LHFPL6: variants seen among roughly 807,000 people sequenced by gnomAD.
LHFPL6 encodes LHFPL tetraspan subfamily member 6.
In LHFPL6, 9 loss-of-function variants were observed where a neutral mutation model predicts 20.6. The ratio of observed to expected loss-of-function variants is 0.44; its 90% CI spans 0.26 to 0.76. The LOEUF is 0.76. Ranked by LOEUF, LHFPL6 falls within the 30% of genes least tolerant of loss-of-function variation. The probability of loss-of-function intolerance (pLI) is 0.20; values close to 1 mark genes in which losing one functional copy is unlikely to be tolerated. For synonymous variants in LHFPL6, 105 were observed against 98.7 expected (o/e 1.06, Z -0.38); for missense variants, 218 against 253.5 (o/e 0.86, Z 0.95).
chr13:39,439,185 C>A (rs1034538918), intron 2 of LHFPL6, among the ~76,000 whole-genome samples: 60 of 152,340 alleles, frequency 3.9e-4, no homozygotes, highest in African/African-American at 1.4e-3. Flanking sequence ...CCACCCATTG[C>A]ACCAGTGTGC....
chr13:39,434,830 G>C (rs1871911180), intron 2 of LHFPL6, among the ~76,000 whole-genome samples: 1 of 152,076 alleles, frequency 6.6e-6, no homozygotes, highest in African/African-American at 2.4e-5. Flanking sequence ...GCCGAGGCGG[G>C]TGGATCATGA....
At chr13:39,583,387 C>T (rs1872350289) in intron 2 of LHFPL6, among the ~76,000 whole-genome samples, 1 of 151,958 alleles carries the variant, frequency 6.6e-6, no homozygotes, top group Non-Finnish European at 1.5e-5. Context: ...GTTGCCCAGG[C>T]TGGTCTTGAA....
chr13:39,454,270 A>G (rs916001363), intron 2 of LHFPL6, among the ~76,000 whole-genome samples: 2 of 152,264 alleles, frequency 1.3e-5, no homozygotes, highest in African/African-American at 4.8e-5. Context: ...TTAAAATACA[A>G]TCCAACACCA....
At chr13:39,372,612 C>G (rs372506327) in intron 3 of LHFPL6, among the ~76,000 whole-genome samples, 2 of 152,246 alleles carry the variant, frequency 1.3e-5, no homozygotes, top group African/African-American at 4.8e-5. Context: ...TGCTTCAGAG[C>G]GCTGCACTTA....
At chr13:39,370,260 C>T (rs1870131544) in intron 3 of LHFPL6, among the ~76,000 whole-genome samples, 1 of 152,136 alleles carries the variant, frequency 6.6e-6, no homozygotes, top group African/African-American at 2.4e-5. Flanking sequence ...TGAGTGCCCC[C>T]ATGGGTTCCT....
At position 39,508,026 on chromosome 13, in the gene LHFPL6, C is replaced by T. The variant is rs1369112242; in HGVS notation, c.385+92806G>A. 3.8e-5 allele frequency among the ~76,000 whole-genome samples: 5 copies of T among 132,782 alleles called. No individual in the cohort carries two copies. In the Admixed American group the frequency reaches 3.8e-4, roughly 10 times the overall value. The allele number at this position is 132,782 out of a possible 152,430, so 87.1% of individuals were successfully genotyped here. ...AATAGTGTTATTAAGTTGTAATTTACTTTTTTTTTTTTGAGGCAGAGTCAC... is the reference window on the plus strand; with the variant it reads ...AATAGTGTTATTAAGTTGTAATTTATTTTTTTTTTTTTGAGGCAGAGTCAC... On this transcript the variant is annotated intron_variant, in intron 2 of 3. Coordinates refer to ENST00000379589, the MANE Select transcript of LHFPL6 (RefSeq NM_005780.3).
chr13:39,469,872 T>TA (rs930491432), intron 2 of LHFPL6, among the ~76,000 whole-genome samples: 2 of 152,212 alleles, frequency 1.3e-5, no homozygotes, highest in African/African-American at 4.8e-5. Flanking sequence ...CAACCAGTTG[T>TA]AGTCCCAGAG....
chr13:39,378,042 A>G (rs1216550615), intron 3 of LHFPL6, among the ~76,000 whole-genome samples: 1 of 152,164 alleles, frequency 6.6e-6, no homozygotes, highest in Non-Finnish European at 1.5e-5. Flanking sequence ...ATTGCTTTGA[A>G]TTGCTTAGCT....
intron 2 of LHFPL6, among the ~76,000 whole-genome samples, chr13:39,450,339 G>C (rs749680247): frequency 4.6e-5 from 7 of 152,182 alleles, no homozygotes; most frequent in Non-Finnish European, 8.8e-5. Context: ...TGGCATCATG[G>C]TACTGCATTC....
chr13:39,543,692 A>G (rs1345547724), intron 2 of LHFPL6, among the ~76,000 whole-genome samples: 1 of 152,150 alleles, frequency 6.6e-6, no homozygotes, highest in African/African-American at 2.4e-5. Flanking sequence ...ATAGTGCTGG[A>G]TTGGGAGTCA....
intron 2 of LHFPL6, among the ~76,000 whole-genome samples, chr13:39,568,311 C>T (rs1871794037): frequency 6.6e-6 from 1 of 151,168 alleles, no homozygotes; most frequent in African/African-American, 2.4e-5. Context: ...AGAATATAAA[C>T]TTAAGCAGGA....
chr13:39,508,477 C>A (rs181253183), intron 2 of LHFPL6, among the ~76,000 whole-genome samples: 1 of 152,280 alleles, frequency 6.6e-6, no homozygotes, highest in East Asian at 1.9e-4. Context: ...TTTCTTCCTC[C>A]CCGATTCCAT....
chr13:39,467,085 C>T (rs974171638), intron 2 of LHFPL6, among the ~76,000 whole-genome samples: 4 of 152,154 alleles, frequency 2.6e-5, no homozygotes, highest in African/African-American at 9.7e-5. Context: ...AATATGATTC[C>T]AATTCACAGA....
chr13:39,346,528 G>C (rs1483135122), intron 3 of LHFPL6, among the ~76,000 whole-genome samples: 1 of 152,124 alleles, frequency 6.6e-6, no homozygotes, highest in African/African-American at 2.4e-5. Flanking sequence ...GCCAGGGAAA[G>C]TTTAATAAGC....
At chr13:39,394,759 A>C (rs1391084912) in intron 2 of LHFPL6, among the ~76,000 whole-genome samples, 1 of 152,210 alleles carries the variant, frequency 6.6e-6, no homozygotes, top group Non-Finnish European at 1.5e-5. Flanking sequence ...TGGATAGCTC[A>C]GTTTTAGAAG....
chr13:39,509,452 T>G (rs1013832740), intron 2 of LHFPL6, among the ~76,000 whole-genome samples: 6 of 152,186 alleles, frequency 3.9e-5, no homozygotes, highest in Admixed American at 6.5e-5. Context: ...CGGTTCAGAT[T>G]AACTCTGGAT....
chr13:39,499,143 G>A (rs1434879446), intron 2 of LHFPL6, among the ~76,000 whole-genome samples: 2 of 151,926 alleles, frequency 1.3e-5, no homozygotes, highest in African/African-American at 4.8e-5. Context: ...GATTACAGGC[G>A]TGTACCACGC....
At chr13:39,348,241 G>A (rs879767574) in intron 3 of LHFPL6, among the ~76,000 whole-genome samples, 1 of 152,072 alleles carries the variant, frequency 6.6e-6, no homozygotes, top group Non-Finnish European at 1.5e-5. Context: ...TGCTGGTTCT[G>A]GACTCTCAAT....
intron 2 of LHFPL6, among the ~76,000 whole-genome samples, chr13:39,466,043 A>G (rs1275135372): frequency 2.6e-5 from 4 of 151,650 alleles, no homozygotes; most frequent in Non-Finnish European, 4.4e-5. Flanking sequence ...TTGGAAAATC[A>G]CTCCCTTCTT....
Sources: allele counts gnomAD v4.1 joint callset (sites outside exome capture counted in the v4.1 genomes callset), GRCh38; gene constraint gnomAD v4.1.1; transcripts MANE v1.5; gene names NCBI Gene and HGNC (gene_info 2026-07-23, HGNC 2026-07-21).